Variants in MYL5 observed in about 807,000 individuals in gnomAD.
MYL5 encodes myosin light chain 5.
A neutral mutation model predicts 20.8 loss-of-function variants in MYL5; 28 were observed. The ratio of observed to expected loss-of-function variants is 1.35; its 90% CI spans 1.00 to 1.84. The LOEUF is 1.84. MYL5 is among the 40% of genes most tolerant of loss of function. The pLI, the probability that MYL5 is intolerant of heterozygous loss-of-function variation, is 0.00. For synonymous variants in MYL5, 118 were observed against 87.4 expected (o/e 1.35, Z -1.95); for missense variants, 274 against 227.3 (o/e 1.21, Z -1.32).
chr4:681,748 C>T (rs1260756782), intron 6 of MYL5, 145 bp from the exon 9 acceptor site: 3 of 1,001,938 alleles, frequency 3.0e-6, no homozygotes, highest in East Asian at 3.9e-5. Context: ...CCGCCCCGCC[C>T]CCTCCAGCGC....
chr4:681,733 C>T (rs1281289331), intron 6 of MYL5, 160 bp from the exon 9 acceptor site: 1 of 580,930 alleles, frequency 1.7e-6, no homozygotes, highest in Non-Finnish European at 2.2e-6. Context: ...CCGCCCCCTC[C>T]AGCGCCGCCC....
At chr4:677,056 CCTG>C (rs1323203646), upstream of MYL5, 1 of 385,884 alleles carries the variant, frequency 2.6e-6, no homozygotes, top group Non-Finnish European at 3.5e-6. Flanking sequence ...AGGGATCCCA[CCTG>C]CTGTTGTGGC....
At chr4:681,436 G>A (rs914084960) in intron 6 of MYL5, among the ~76,000 whole-genome samples, 4 of 148,984 alleles carry the variant, frequency 2.7e-5, no homozygotes, top group African/African-American at 9.9e-5. Context: ...GTCCGGAGCC[G>A]CCCCCCACCC....
upstream of MYL5, chr4:676,593 C>T (rs1348032715): frequency 2.6e-5 from 4 of 152,288 alleles, no homozygotes; most frequent in African/African-American, 9.7e-5. Context: ...GCACTGTGCT[C>T]AGACTCCAGT....
At chr4:678,467 C>G in intron 1 of MYL5, 191 bp from the exon 4 acceptor site, 1 of 1,432,400 alleles carries the variant, frequency 7.0e-7, no homozygotes, top group Non-Finnish European at 9.1e-7. Context: ...AAGCCAGACA[C>G]CTGCAGCCGT....
intron 3 of MYL5, chr4:679,256 G>C: frequency 1.5e-6 from 1 of 659,834 alleles, no homozygotes; most frequent in East Asian, 2.8e-5. Flanking sequence ...GACAGCCCAA[G>C]CCTGGAAACT....
At chr4:679,114 T>G in intron 3 of MYL5, 81 bp downstream of exon 5, 2 of 1,152,554 alleles carry the variant, frequency 1.7e-6, no homozygotes, top group Non-Finnish European at 2.4e-6. Context: ...CCGCGGCCCC[T>G]CCTCGAATGG....
intron 3 of MYL5, among the ~76,000 whole-genome samples, chr4:679,428 G>A (rs1045046351): frequency 2.0e-5 from 3 of 151,992 alleles, no homozygotes; most frequent in African/African-American, 7.2e-5. Context: ...GCGTGGAGAC[G>A]CTGCCCAGCC....
Position 679,989 on chromosome 4 carries a change from T to C in MYL5, c.263T>C (p.Phe88Ser), listed in dbSNP as rs2228354. ...TCGGGGCCCATCAACTTCACCATGT[T>C]TCTGAACCTGTTTGGGGAGAAGCTG... The change falls in exon 4 of 7, where the codon TTT (phenylalanine) becomes TCT (serine). Residue 88 changes from phenylalanine to serine, a missense_variant. By Grantham distance (155) the Phe-to-Ser change is radical (BLOSUM62 -2). Coordinates refer to ENST00000400159, the Ensembl canonical transcript of MYL5. 12,785 of 1,613,422 alleles carry C rather than the reference T, an allele frequency of 7.9e-3. 88 individuals are homozygous for C. The highest frequency in any genetic ancestry group is 9.7e-3 in the Non-Finnish European group (11,385 of 1,179,728).
At chr4:679,212 C>CAGAG (rs1739184717) in intron 3 of MYL5, 179 bp downstream of exon 5, 1 of 720,442 alleles carries the variant, frequency 1.4e-6, no homozygotes, top group Middle Eastern at 3.5e-4. Flanking sequence ...TCAGAGCTGG[C>CAGAG]AGAGAGCATC....
At chr4:674,731 A>C, upstream of MYL5, 1 of 181,676 alleles carries the variant, frequency 5.5e-6, no homozygotes, top group Non-Finnish European at 1.2e-5. Flanking sequence ...CGCCCACCCG[A>C]GGGTGGCCTG....
chr4:681,174 G>C (rs980443352), intron 6 of MYL5, 34 bp downstream of exon 8: 1 of 1,588,222 alleles, frequency 6.3e-7, no homozygotes, highest in African/African-American at 1.3e-5. Flanking sequence ...AAGCCCACGA[G>C]GGGAGGGCGG....
At chr4:680,700 AC>A in intron 5 of MYL5, 113 bp downstream of exon 7, 1 of 1,126,290 alleles carries the variant, frequency 8.9e-7, no homozygotes, top group Non-Finnish European at 1.3e-6. Context: ...CCCACCTCTG[AC>A]CAGCTTCAGG....
chr4:678,137 A>G (rs1739039192), intron 1 of MYL5, 108 bp downstream of exon 3: 1 of 1,559,926 alleles, frequency 6.4e-7, no homozygotes. Context: ...TTGCGTGTGA[A>G]TGCAGGTGTG....
At chr4:677,807 A>G (rs1421211846), upstream of MYL5, 4 of 675,590 alleles carry the variant, frequency 5.9e-6, no homozygotes, top group Non-Finnish European at 1.1e-5. Context: ...GTATCTGGGG[A>G]GGCTGGGGGC....
chr4:681,126 A>C, exon 6 of MYL5: 1 of 1,607,144 alleles, frequency 6.2e-7, no homozygotes, highest in Non-Finnish European at 8.5e-7. Flanking sequence ...GGCTGACAAG[A>C]TGACGGCGGA....
chr4:678,192 G>C, intron 1 of MYL5, 163 bp downstream of exon 3: 1 of 1,526,134 alleles, frequency 6.6e-7, no homozygotes, highest in Non-Finnish European at 8.8e-7. Context: ...GCGTGTGTAT[G>C]TGCGTGTGTG....
intron 5 of MYL5, 186 bp from the exon 8 acceptor site, chr4:680,905 GC>G: frequency 1.4e-6 from 1 of 690,372 alleles, no homozygotes; most frequent in Non-Finnish European, 2.4e-6. Flanking sequence ...CCCATCAGCG[GC>G]TCCCCCAGAA....
upstream of MYL5, chr4:674,891 C>G (rs1738728211): frequency 6.5e-6 from 1 of 152,968 alleles, no homozygotes; most frequent in South Asian, 1.9e-4. Context: ...CCAGGCCCCT[C>G]TTCCTGCGGC....
Sources: allele counts gnomAD v4.1 joint callset (sites outside exome capture counted in the v4.1 genomes callset), GRCh38; gene constraint gnomAD v4.1.1; transcripts MANE v1.5; gene names NCBI Gene and HGNC (gene_info 2026-07-23, HGNC 2026-07-21).